The following MAP2K4 variants were observed in gnomAD, a reference collection of about 807,000 sequenced individuals.
MAP2K4 encodes the protein dual specificity mitogen-activated protein kinase kinase 4.
In MAP2K4, 4 loss-of-function variants were observed where a neutral mutation model predicts 48.5. That is an observed-to-expected ratio of 0.08 (90% confidence interval 0.04 to 0.19). MAP2K4 has a LOEUF of 0.19. Among genes scored for constraint, MAP2K4 ranks in the 10% least tolerant of loss-of-function variants. The pLI is 1.00. For synonymous variants in MAP2K4, 166 were observed against 173.1 expected (o/e 0.96, Z 0.32); for missense variants, 258 against 493.3 (o/e 0.52, Z 4.52).
intron 1 of MAP2K4, among the ~76,000 whole-genome samples, chr17:12,043,822 T>G (rs935695250): frequency 1.3e-5 from 2 of 151,708 alleles, no homozygotes; most frequent in Non-Finnish European, 2.9e-5. Context: ...TTGTTAGGGG[T>G]TTTTATGGAG....
intron 4 of MAP2K4, among the ~76,000 whole-genome samples, chr17:12,101,228 T>C (rs987105029): frequency 6.6e-6 from 1 of 152,154 alleles, no homozygotes; most frequent in Non-Finnish European, 1.5e-5. Context: ...TTAGTTTTTA[T>C]ATATATCGAG....
chr17:12,068,020 A>G (rs367843597), intron 2 of MAP2K4, among the ~76,000 whole-genome samples: 3 of 152,318 alleles, frequency 2.0e-5, no homozygotes, highest in East Asian at 3.9e-4. Flanking sequence ...AGTGAGTTTT[A>G]CTAGATTTGG....
At chr17:12,126,957 A>AC (rs1410540988) in intron 8 of MAP2K4, among the ~76,000 whole-genome samples, 5 of 152,136 alleles carry the variant, frequency 3.3e-5, no homozygotes, top group Non-Finnish European at 5.9e-5. Flanking sequence ...AGTTTTTGCT[A>AC]CCTAAGACTC....
chr17:12,057,664 A>G (rs544218475), intron 2 of MAP2K4, among the ~76,000 whole-genome samples: 1 of 151,822 alleles, frequency 6.6e-6, no homozygotes, highest in South Asian at 2.1e-4. Flanking sequence ...TGTTACTAGG[A>G]TGTTGGACTG....
intron 3 of MAP2K4, among the ~76,000 whole-genome samples, chr17:12,085,929 A>G (rs1971346380): frequency 6.6e-6 from 1 of 152,182 alleles, no homozygotes; most frequent in African/African-American, 2.4e-5. Flanking sequence ...CACTTCTGTC[A>G]AAAGTTCCAT....
chr17:12,138,977 G>C (rs1973293008), intron 9 of MAP2K4, among the ~76,000 whole-genome samples: 1 of 152,142 alleles, frequency 6.6e-6, no homozygotes, highest in African/African-American at 2.4e-5. Context: ...TTGTCTGCTG[G>C]CGGCTTGCCC....
chr17:12,068,187 T>C (rs1475016645), intron 2 of MAP2K4, among the ~76,000 whole-genome samples: 1 of 152,050 alleles, frequency 6.6e-6, no homozygotes, highest in East Asian at 1.9e-4. Flanking sequence ...AGATTAAGGG[T>C]GTAGAGACAG....
At chr17:12,113,569 T>TC (rs1341798429) in intron 7 of MAP2K4, among the ~76,000 whole-genome samples, 1 of 152,244 alleles carries the variant, frequency 6.6e-6, no homozygotes, top group African/African-American at 2.4e-5. Context: ...GCTTTATTTC[T>TC]CTTACTTGGT....
At chr17:12,097,652 C>G (rs1419812084) in intron 4 of MAP2K4, among the ~76,000 whole-genome samples, 1 of 152,206 alleles carries the variant, frequency 6.6e-6, no homozygotes, top group Non-Finnish European at 1.5e-5. Flanking sequence ...GTTGTTTTCA[C>G]ATATGTTTTC....
rs1018870904 is a variant in MAP2K4, at chr17:12,048,717, C to T, written c.116-6172C>T. Among the ~76,000 whole-genome samples the T allele has an allele frequency of 3.3e-5, 5 of 151,946 alleles. 1 individual carries two copies. The highest frequency in any genetic ancestry group is 1.3e-4 in the Admixed American group (2 of 15,250). ...TGTCACCCAGGCTGGAGTGCAATGG[C>T]GCGATCTCTGCTCACTGAAACCTAT... On this transcript the variant is annotated intron_variant, in intron 1 of 10. Transcript: ENST00000353533.
At chr17:12,102,033 T>C in intron 4 of MAP2K4, among the ~76,000 whole-genome samples, 1 of 152,130 alleles carries the variant, frequency 6.6e-6, no homozygotes. Context: ...GAACCTTCAG[T>C]ATGCTGTTGA....
chr17:12,140,036 T>G (rs1444952869), intron 10 of MAP2K4, 152 bp downstream of exon 10: 1 of 541,042 alleles, frequency 1.8e-6, no homozygotes, highest in East Asian at 3.1e-5. Flanking sequence ...CACAAAGATT[T>G]GGAAAGAGAA....
At chr17:12,033,636 A>G (rs1021984005) in intron 1 of MAP2K4, among the ~76,000 whole-genome samples, 7 of 152,170 alleles carry the variant, frequency 4.6e-5, no homozygotes, top group Non-Finnish European at 1.0e-4. Context: ...TATATGATAT[A>G]TATCTATATG....
intron 5 of MAP2K4, among the ~76,000 whole-genome samples, chr17:12,109,150 T>G (rs965973207): frequency 3.3e-5 from 5 of 152,168 alleles, no homozygotes; most frequent in Non-Finnish European, 5.9e-5. Context: ...TAATATGCTT[T>G]GAAGTGTGTA....
intron 1 of MAP2K4, chr17:12,032,188 A>C: frequency 1.5e-6 from 1 of 648,490 alleles, no homozygotes; most frequent in Non-Finnish European, 2.4e-6. Flanking sequence ...AATTTAATAT[A>C]AAAATGCAAT....
chr17:12,084,728 T>C (rs1971302422), intron 3 of MAP2K4, among the ~76,000 whole-genome samples: 1 of 152,130 alleles, frequency 6.6e-6, no homozygotes, highest in Admixed American at 6.5e-5. Context: ...AATTAACATA[T>C]AGATGAGGAG....
chr17:12,082,262 T>G (rs1422395946), intron 3 of MAP2K4, among the ~76,000 whole-genome samples: 2 of 152,208 alleles, frequency 1.3e-5, no homozygotes, highest in African/African-American at 2.4e-5. Context: ...GTAATTGTAA[T>G]TTATTCATTT....
rs528384363 is a variant in MAP2K4 at position 12,142,186 on chromosome 17, A to C, written c.*926A>C. 1 of 233,606 alleles carries C rather than the reference A, an allele frequency of 4.3e-6. No individual in the cohort carries two copies. The highest frequency in any genetic ancestry group is 6.0e-5 in the East Asian group (1 of 16,598). The allele number at this position is 233,606 out of a possible 1,614,324, so 14.5% of individuals were successfully genotyped here. ...ATCTGGAACAACTTGTAGCAGCTAT[A>C]TATTTCCCCTTGGTCCCAAGCCTGA... is the stretch of plus-strand genomic sequence containing the variant. On this transcript the variant is annotated 3_prime_UTR_variant, in exon 11 of 11. Transcript: ENST00000353533.
chr17:12,052,037 CT>C (rs1301205957), intron 1 of MAP2K4, among the ~76,000 whole-genome samples: 2 of 152,044 alleles, frequency 1.3e-5, no homozygotes, highest in African/African-American at 4.8e-5. Context: ...ATTTTGGGGC[CT>C]TCCTTTTCCT....
Sources: gnomAD v4.1 joint callset for allele counts (sites outside exome capture counted in the v4.1 genomes callset) on GRCh38, gnomAD v4.1.1 for gene constraint, MANE v1.5 for transcripts, NCBI Gene and HGNC (gene_info 2026-07-23, HGNC 2026-07-21) for gene names.